Variants in GRAMD1B observed in about 807,000 individuals in gnomAD.
GRAMD1B encodes the protein GRAM domain containing 1B.
Under a neutral mutation model 99.7 loss-of-function variants are expected in GRAMD1B, and 37 were observed. The ratio of observed to expected loss-of-function variants is 0.37; its 90% CI spans 0.29 to 0.49. GRAMD1B has a LOEUF of 0.49. Ranked by LOEUF, GRAMD1B falls within the 20% of genes least tolerant of loss-of-function variation. GRAMD1B has a pLI of 0.98. For synonymous variants in GRAMD1B, 427 were observed against 387.6 expected (o/e 1.10, Z -1.19); for missense variants, 888 against 1,009.2 (o/e 0.88, Z 1.63).
chr11:123,544,833 G>A (rs1422235223), intron 2 of GRAMD1B, among the ~76,000 whole-genome samples: 1 of 152,276 alleles, frequency 6.6e-6, no homozygotes, highest in Non-Finnish European at 1.5e-5. Flanking sequence ...TGACCTTTGT[G>A]TAGAGAGGAC....
At chr11:123,599,402 C>T (rs1951674074) in intron 7 of GRAMD1B, 3 of 673,502 alleles carry the variant, frequency 4.5e-6, no homozygotes, top group Non-Finnish European at 8.5e-6. Flanking sequence ...CATCCATGAG[C>T]CATTCCTTCT....
chr11:123,421,181 T>C (rs1317782289), intron 1 of GRAMD1B, among the ~76,000 whole-genome samples: 1 of 152,200 alleles, frequency 6.6e-6, no homozygotes, highest in Non-Finnish European at 1.5e-5. Flanking sequence ...CAAAAAGGCC[T>C]CCCCAAATGC....
chr11:123,509,302 G>A (rs774113469), intron 2 of GRAMD1B, among the ~76,000 whole-genome samples: 1 of 152,224 alleles, frequency 6.6e-6, no homozygotes, highest in Non-Finnish European at 1.5e-5. Flanking sequence ...TCACAAGCAT[G>A]AAGGAACCGA....
At chr11:123,560,541 A>G in intron 2 of GRAMD1B, 1 of 1,214,766 alleles carries the variant, frequency 8.2e-7, no homozygotes, top group Non-Finnish European at 1.1e-6. Flanking sequence ...AGTGCCCTCC[A>G]GCCTCCTCAG....
At chr11:123,467,394 C>CTTTTTTTTTTTTT (rs11447711) in intron 1 of GRAMD1B, among the ~76,000 whole-genome samples, 8 of 103,336 alleles carry the variant, frequency 7.7e-5, no homozygotes, top group East Asian at 3.2e-4. Flanking sequence ...TTTTCAACAC[C>CTTTTTTTTTTTTT]TTTTTTTTTT....
chr11:123,420,726 T>C (rs1173791319), intron 1 of GRAMD1B, among the ~76,000 whole-genome samples: 2 of 152,158 alleles, frequency 1.3e-5, no homozygotes, highest in Non-Finnish European at 2.9e-5. Flanking sequence ...TTACAGAAAG[T>C]CAAAAGAGAG....
chr11:123,430,876 G>C lies in GRAMD1B; in HGVS notation c.84G>C (p.Pro28=). 1 of 702,358 alleles carries C rather than the reference G, an allele frequency of 1.4e-6. No homozygotes were observed. Among genetic ancestry groups the C allele is most frequent in the East Asian group, 2.7e-5 (1 of 37,256 alleles). 43.5% of individuals were successfully genotyped at this position (702,358 alleles called of 1,614,324 possible). ...PEPQGAPEGS[P]VWSSSSTPTL... ...CGCAGGGTGCGCCCGAGGGCAGCCCGGTCTGGTCCAGTTCGTCGACCCCCA... is the reference window on the plus strand; with the variant it reads ...CGCAGGGTGCGCCCGAGGGCAGCCCCGTCTGGTCCAGTTCGTCGACCCCCA... Residue 28 remains proline, a synonymous_variant, in exon 1 of 20, where the codon CCG becomes CCC. Transcript: ENST00000635736.
chr11:123,495,077 T>A (rs1318241925), intron 2 of GRAMD1B, among the ~76,000 whole-genome samples: 1 of 151,524 alleles, frequency 6.6e-6, no homozygotes, highest in East Asian at 1.9e-4. Context: ...CACCTATCAC[T>A]AAAATTGTTT....
At chr11:123,368,679 C>CAAAAAAAAAAAAAAAAAAAA (rs58877377) in intron 1 of GRAMD1B, among the ~76,000 whole-genome samples, 6 of 78,006 alleles carry the variant, frequency 7.7e-5, no homozygotes, top group Non-Finnish European at 1.1e-4. Context: ...GACTCTGTCT[C>CAAAAAAAAAAAAAAAAAAAA]AAAAAAAAAA....
Position 123,594,219 on chromosome 11 carries a change from C to G in GRAMD1B, c.769+53C>G, listed in dbSNP as rs371977296. On this transcript the variant is annotated intron_variant, in intron 5 of 19. Coordinates refer to ENST00000635736, the MANE Select transcript of GRAMD1B (RefSeq NM_001387025.1). ...GGAAGGAAGTCTGGGGAGCCCCCGG[C>G]ATAGCACTCAGGGTGCTTCTCTCTA... 8.1e-6 allele frequency: 10 copies of G among 1,237,724 alleles called. No homozygotes were observed. The African/African-American group carries it at 8.8e-5, about 11-fold the overall frequency. 76.7% of individuals were successfully genotyped at this position (1,237,724 alleles called of 1,614,324 possible).
At chr11:123,567,214 T>C (rs1947491898) in intron 2 of GRAMD1B, among the ~76,000 whole-genome samples, 1 of 152,086 alleles carries the variant, frequency 6.6e-6, no homozygotes, top group African/African-American at 2.4e-5. Flanking sequence ...CCAGGGAGGC[T>C]AGAATAAAAT....
chr11:123,360,091 A>G (rs140290507), intron 1 of GRAMD1B, among the ~76,000 whole-genome samples: 13 of 152,354 alleles, frequency 8.5e-5, no homozygotes, highest in African/African-American at 3.1e-4. Flanking sequence ...AAGCTGATAT[A>G]GAATCTCACT....
At chr11:123,362,079 G>A (rs1219538550) in intron 1 of GRAMD1B, among the ~76,000 whole-genome samples, 1 of 152,178 alleles carries the variant, frequency 6.6e-6, no homozygotes, top group Non-Finnish European at 1.5e-5. Context: ...TGACATAGTG[G>A]TCTGTTAACC....
chr11:123,611,212 G>C (rs536425792), intron 14 of GRAMD1B, among the ~76,000 whole-genome samples: 1 of 151,224 alleles, frequency 6.6e-6, no homozygotes, highest in Non-Finnish European at 1.5e-5. Context: ...ACGCAGGAGG[G>C]ATTGCTTGAG....
intron 1 of GRAMD1B, among the ~76,000 whole-genome samples, chr11:123,419,924 C>T (rs1243539810): frequency 2.6e-5 from 4 of 152,042 alleles, no homozygotes; most frequent in Non-Finnish European, 5.9e-5. Flanking sequence ...AACCCAGTGT[C>T]CTTGTTCCAA....
At chr11:123,548,231 C>T (rs1440377903) in intron 2 of GRAMD1B, among the ~76,000 whole-genome samples, 4 of 149,328 alleles carry the variant, frequency 2.7e-5, no homozygotes, top group African/African-American at 9.9e-5. Flanking sequence ...TCTCTTCTCT[C>T]CTGACTTGTT....
At chr11:123,403,376 G>T (rs1443170588) in intron 1 of GRAMD1B, among the ~76,000 whole-genome samples, 1 of 150,636 alleles carries the variant, frequency 6.6e-6, no homozygotes, top group African/African-American at 2.4e-5. Flanking sequence ...GCAGTGAGCT[G>T]AGATCATGCC....
chr11:123,496,046 T>C (rs1232912749), intron 2 of GRAMD1B, among the ~76,000 whole-genome samples: 1 of 152,202 alleles, frequency 6.6e-6, no homozygotes, highest in Non-Finnish European at 1.5e-5. Context: ...TACTATTACA[T>C]GTGAGTTTTC....
At chr11:123,618,191 G>T (rs975495898) in intron 17 of GRAMD1B, among the ~76,000 whole-genome samples, 3 of 152,074 alleles carry the variant, frequency 2.0e-5, no homozygotes, top group Admixed American at 1.3e-4. Context: ...TCCTTGCTGG[G>T]TCGTCTCATC....
Sources: allele counts gnomAD v4.1 joint callset (sites outside exome capture counted in the v4.1 genomes callset), GRCh38; gene constraint gnomAD v4.1.1; transcripts MANE v1.5; gene names NCBI Gene and HGNC (gene_info 2026-07-23, HGNC 2026-07-21).